CARS2: variants seen among roughly 807,000 people sequenced by gnomAD.
CARS2 encodes probable cysteine--tRNA ligase, mitochondrial.
In CARS2, 52 loss-of-function variants were observed where a neutral mutation model predicts 68.8. The ratio of observed to expected loss-of-function variants is 0.76; its 90% CI spans 0.61 to 0.95. The LOEUF (loss-of-function observed/expected upper bound fraction) is 0.95. CARS2 is among the 40% of genes least tolerant of loss of function. The pLI is 0.00. For synonymous variants in CARS2, 314 were observed against 303.6 expected, an observed-to-expected ratio of 1.03 and a Z score of -0.36; for missense variants, 780 against 754.2, an observed-to-expected ratio of 1.03 and a Z score of -0.40.
intron 5 of CARS2, among the ~76,000 whole-genome samples, chr13:110,684,239 C>G (rs2063234088): frequency 6.6e-6 from 1 of 152,182 alleles, no homozygotes; most frequent in Non-Finnish European, 1.5e-5. Context: ...CCTCAGGCCC[C>G]AGGCGTGGGT....
At chr13:110,667,541 A>C (rs775625689) in intron 7 of CARS2, 68 bp from the exon 8 acceptor site, 5 of 1,412,724 alleles carry the variant, frequency 3.5e-6, no homozygotes, top group Non-Finnish European at 4.9e-6. Flanking sequence ...AACCTCGTCT[A>C]TTTATTCCTT....
rs1051585329 is a variant in CARS2, at chr13:110,676,109, G to C, written c.785+865C>G. Among the ~76,000 whole-genome samples, 1 of 152,162 alleles carries C rather than the reference G, an allele frequency of 6.6e-6. No homozygotes were observed. The highest frequency in any genetic ancestry group is 1.5e-5 in the Non-Finnish European group (1 of 68,024). On this transcript the variant is annotated intron_variant, in intron 7 of 14. Transcript: ENST00000257347. This position sits in a 1 kb window ranked among gnomAD's most constrained non-coding sequence, Gnocchi z 4.0. ...GCGGAGGTTGCGGTGAGCCGAGATC[G>C]CACCATTGCACTCCAACCTGGGCAA...
chr13:110,685,790 C>T (rs1265651956), intron 5 of CARS2, among the ~76,000 whole-genome samples: 4 of 151,868 alleles, frequency 2.6e-5, no homozygotes, highest in Admixed American at 6.6e-5. Context: ...GGATTTAGTT[C>T]GGATTTATGG....
intron 13 of CARS2, chr13:110,643,272 T>G (rs1355735729): frequency 6.3e-6 from 1 of 158,754 alleles, no homozygotes; most frequent in African/African-American, 2.4e-5. Context: ...ATCCCACTTT[T>G]CTTACTCAAA....
chr13:110,663,296 T>A (rs1159602858), intron 9 of CARS2, among the ~76,000 whole-genome samples, 155 bp downstream of exon 9: 1 of 151,226 alleles, frequency 6.6e-6, no homozygotes, highest in African/African-American at 2.4e-5. Context: ...GAGAGCCACT[T>A]AAAGTGGGAG....
chr13:110,664,194 T>C, intron 8 of CARS2: 1 of 985,400 alleles, frequency 1.0e-6, no homozygotes, highest in Non-Finnish European at 1.2e-6. Context: ...CTTCCTCTTT[T>C]TCTGACACAA....
chr13:110,657,981 A>G (rs2062412630), intron 9 of CARS2, among the ~76,000 whole-genome samples: 1 of 152,220 alleles, frequency 6.6e-6, no homozygotes, highest in South Asian at 2.1e-4. Context: ...CTGACCCTTT[A>G]ACCCTCACTT....
At chr13:110,648,809 C>T (rs1355542421) in intron 10 of CARS2, 1 of 152,190 alleles carries the variant, frequency 6.6e-6, no homozygotes, top group Non-Finnish European at 1.5e-5. Flanking sequence ...ACTTCGTATT[C>T]AAAGCTCAAA....
chr13:110,652,995 C>T (rs66605126), intron 9 of CARS2, among the ~76,000 whole-genome samples: 28,307 of 152,130 alleles, frequency 0.19, 3,051 homozygotes, highest in Admixed American at 0.3. Flanking sequence ...ACAACTCACA[C>T]GAGAGGATGG....
chr13:110,648,838 G>A (rs1043003481), intron 10 of CARS2: 1 of 152,144 alleles, frequency 6.6e-6, no homozygotes, highest in Non-Finnish European at 1.5e-5. Flanking sequence ...CACACAATTA[G>A]GACAGTCATA....
At chr13:110,686,966 C>T (rs1460240555) in intron 5 of CARS2, among the ~76,000 whole-genome samples, 2 of 151,182 alleles carry the variant, frequency 1.3e-5, no homozygotes, top group East Asian at 3.9e-4. Context: ...CCTCTGACTC[C>T]CGCAACTCAC....
In CARS2 at chr13:110,667,323, C is replaced by A; in HGVS notation, c.919+17G>T. 6.3e-7 allele frequency: 1 copy of A among 1,599,904 alleles called. No homozygotes were observed. Among genetic ancestry groups the A allele is most frequent in the Non-Finnish European group, 8.5e-7 (1 of 1,172,792 alleles). Reference sequence around the variant, plus strand: ...TAGAATTGAAACAGAACAAATTAATCTGAAGTTATTACTTACCAGAATGCA... The same window carrying A: ...TAGAATTGAAACAGAACAAATTAATATGAAGTTATTACTTACCAGAATGCA... On this transcript the variant is annotated intron_variant, in intron 8 of 14. Transcript: ENST00000257347.
At chr13:110,654,921 C>CAAAAAAAA (rs34662096) in intron 9 of CARS2, among the ~76,000 whole-genome samples, 6 of 83,834 alleles carry the variant, frequency 7.2e-5, no homozygotes, top group African/African-American at 9.2e-5. Flanking sequence ...AACCCTCTCT[C>CAAAAAAAA]AAAAAAAAAA....
At chr13:110,710,598 G>GT (rs1305699918), upstream of CARS2, among the ~76,000 whole-genome samples, 2 of 152,140 alleles carry the variant, frequency 1.3e-5, no homozygotes, top group African/African-American at 4.8e-5. Context: ...ATTCTTCAAC[G>GT]TATCTTCAAA....
chr13:110,666,275 T>C (rs2062644885), intron 8 of CARS2: 4 of 985,298 alleles, frequency 4.1e-6, no homozygotes, highest in Non-Finnish European at 4.8e-6. Flanking sequence ...TTGTTCTGAT[T>C]AGAAACTCCA....
At position 110,701,522 on chromosome 13, in the gene CARS2, G is replaced by T; in HGVS notation, c.309C>A (p.Ile103=). The T allele has an allele frequency of 1.3e-6, 2 of 1,578,950 alleles. No individual in the cohort carries two copies. The highest frequency in any genetic ancestry group is 3.3e-4 in the Middle Eastern group (2 of 5,994). The change falls in exon 3 of 15, where the codon ATC becomes ATA. Residue 103 remains isoleucine, a synonymous_variant. Transcript: ENST00000257347. The part of the protein sequence containing the change: ...SYVRFDIIRR[I]LTKVFGCSIV... ...TGCTGCATCCAAAAACCTTGGTTAG[G>T]ATCCTTCGAATGATATCAAATCTAA...
intron 7 of CARS2, among the ~76,000 whole-genome samples, chr13:110,673,139 A>G (rs1416242811): frequency 6.6e-6 from 1 of 152,212 alleles, no homozygotes; most frequent in Non-Finnish European, 1.5e-5. Context: ...CCAGAGGTAC[A>G]AGGAGGAGCT....
Position 110,663,521 on chromosome 13 carries a change from G to C in CARS2, c.920-3C>G, listed in dbSNP as rs2062566848. The stretch of plus-strand genomic sequence containing the variant: ...TTTGCCTTTGGCGTGCAAATGCCCT[G>C]AAACAAAAACAAAAGCATTCAGTCT... On this transcript the variant is annotated splice_polypyrimidine_tract_variant and splice_region_variant and intron_variant, in intron 8 of 14. Coordinates refer to ENST00000257347, the MANE Select transcript of CARS2 (RefSeq NM_024537.4). The C allele has an allele frequency of 2.5e-6, 4 of 1,613,454 alleles. No homozygotes were observed. The highest frequency in any genetic ancestry group is 3.4e-6 in the Non-Finnish European group (4 of 1,179,842).
In CARS2 at chr13:110,667,384, A is replaced by G. The variant is rs778341096; in HGVS notation, c.875T>C (p.Val292Ala). ...HHENEIAQCE[V>A]FHQCEQWGNY... ...TCCCCACTGCTCGCACTGATGAAAG[A>G]CTTCGCACTGTGCAATTTCGTTTTC... The change falls in exon 8 of 15, where the codon GTC (valine) becomes GCC (alanine). Residue 292 changes from valine (V) to alanine (A), a missense_variant. By Grantham distance (64) the Val-to-Ala change is moderately conservative. Transcript: ENST00000257347. The G allele has an allele frequency of 6.2e-7, 1 of 1,613,780 alleles. No homozygotes were observed. The highest frequency in any genetic ancestry group is 1.7e-5 in the Admixed American group (1 of 60,020).
Sources: gnomAD v4.1 joint callset for allele counts (sites outside exome capture counted in the v4.1 genomes callset) on GRCh38, gnomAD v4.1.1 for gene constraint, Gnocchi (gnomAD v3.1) non-coding constraint, MANE v1.5 for transcripts, NCBI Gene and HGNC (gene_info 2026-07-23, HGNC 2026-07-21) for gene names.